CNTN5: variants seen among roughly 807,000 people sequenced by gnomAD.
CNTN5 encodes the protein contactin 5.
Under a neutral mutation model 129.1 loss-of-function variants are expected in CNTN5, and 77 were observed. That is an observed-to-expected ratio of 0.60 (90% CI 0.50 to 0.72). The LOEUF is 0.72. Ranked by LOEUF, CNTN5 falls within the 30% of genes least tolerant of loss-of-function variation. The pLI, the probability that CNTN5 is intolerant of heterozygous loss-of-function variation, is 0.00. For missense variants in CNTN5, 1,478 were observed against 1,328.8 expected, an observed-to-expected ratio of 1.11 and a Z score of -1.75; for synonymous variants, 509 against 465.6, an observed-to-expected ratio of 1.09 and a Z score of -1.20.
chr11:99,717,126 A>G (rs908450866), intron 3 of CNTN5, among the ~76,000 whole-genome samples: 1 of 152,074 alleles, frequency 6.6e-6, no homozygotes, highest in East Asian at 1.9e-4. Context: ...TTTATTTGCT[A>G]TTTTCAGATG....
At position 99,792,201 on chromosome 11, in the gene CNTN5, T is replaced by C. The variant is rs1278538623; in HGVS notation, c.56-27343T>C. 5.3e-5 allele frequency among the ~76,000 whole-genome samples: 8 copies of C among 152,236 alleles called. 2 individuals carry two copies. Among genetic ancestry groups the C allele is most frequent in the Admixed American group, 5.2e-4 (8 of 15,290 alleles). ...CAGTTCTCAAGGGGCATGCTTTCAA[T>C]GTTTGCCTATTCAGTATGATGTTGA... On this transcript the variant is annotated intron_variant, in intron 3 of 24. Transcript: ENST00000524871.
At chr11:99,082,416 C>T (rs905743931) in intron 1 of CNTN5, among the ~76,000 whole-genome samples, 1 of 152,120 alleles carries the variant, frequency 6.6e-6, no homozygotes, top group South Asian at 2.1e-4. Flanking sequence ...ATCTCTTGAC[C>T]TCGTGATCCG....
At chr11:99,859,969 CA>C (rs775449959) in intron 6 of CNTN5, among the ~76,000 whole-genome samples, 1 of 152,142 alleles carries the variant, frequency 6.6e-6, no homozygotes, top group Non-Finnish European at 1.5e-5. Flanking sequence ...CAACAGTGTA[CA>C]AGTTGTTTTC....
intron 8 of CNTN5, among the ~76,000 whole-genome samples, chr11:99,987,028 A>G (rs901913028): frequency 6.6e-6 from 1 of 152,228 alleles, no homozygotes; most frequent in African/African-American, 2.4e-5. Flanking sequence ...AACAAAATAT[A>G]GATTTTTTCA....
intron 2 of CNTN5, among the ~76,000 whole-genome samples, chr11:99,373,711 C>CAAAAAAAAAAAAAAAAAAAAAAAAA (rs57363059): frequency 1.0e-5 from 1 of 96,000 alleles, no homozygotes. Context: ...AACTCCGTCT[C>CAAAAAAAAAAAAAAAAAAAAAAAAA]AAAAAAAAAA....
intron 3 of CNTN5, among the ~76,000 whole-genome samples, chr11:99,779,750 A>G (rs577005916): frequency 6.6e-6 from 1 of 152,160 alleles, no homozygotes; most frequent in Admixed American, 6.6e-5. Context: ...TTACTGCTCA[A>G]AGGAAGTTCT....
intron 7 of CNTN5, among the ~76,000 whole-genome samples, chr11:99,934,730 C>T (rs1377867645): frequency 2.0e-5 from 3 of 151,502 alleles, no homozygotes; most frequent in Non-Finnish European, 4.4e-5. Flanking sequence ...ACTAAAAATA[C>T]AAAAATTAGC....
intron 4 of CNTN5, among the ~76,000 whole-genome samples, chr11:99,838,377 C>G (rs1008314525): frequency 1.3e-5 from 2 of 152,072 alleles, no homozygotes; most frequent in African/African-American, 4.8e-5. Flanking sequence ...AATGATACTT[C>G]TATCTCTTAT....
chr11:99,830,043 G>GTTA (rs1227961208), intron 4 of CNTN5, among the ~76,000 whole-genome samples: 1 of 152,044 alleles, frequency 6.6e-6, no homozygotes, highest in Non-Finnish European at 1.5e-5. Flanking sequence ...TGATGAGATG[G>GTTA]TTAGGTTAAG....
intron 10 of CNTN5, among the ~76,000 whole-genome samples, chr11:100,063,085 A>C (rs12286439): frequency 0.075 from 11,481 of 152,162 alleles, 525 homozygotes; most frequent in East Asian, 0.19. Context: ...GAAAGTACGA[A>C]TTCTCTGTGT....
rs1939151251 is a variant in CNTN5 at position 99,362,121 on chromosome 11, A to G, written c.-71+36637A>G. Among the ~76,000 whole-genome samples the G allele has an allele frequency of 2.6e-5, 4 of 152,038 alleles. No individual in the cohort carries two copies. In the South Asian group the frequency reaches 8.3e-4, roughly 31 times the overall value. The stretch of plus-strand genomic sequence containing the variant: ...CACAAGTGTTCTAATTTCTATTCCT[A>G]ATAACACATGTTATATTCTATTTTA... On this transcript the variant is annotated intron_variant, in intron 2 of 24. Coordinates refer to ENST00000524871, the MANE Select transcript of CNTN5 (RefSeq NM_014361.4).
At chr11:99,122,183 A>C (rs1858375170) in intron 1 of CNTN5, among the ~76,000 whole-genome samples, 1 of 151,834 alleles carries the variant, frequency 6.6e-6, no homozygotes, top group Non-Finnish European at 1.5e-5. Flanking sequence ...CTATAGATCT[A>C]ATTTATTTTC....
intron 1 of CNTN5, among the ~76,000 whole-genome samples, chr11:99,101,209 C>T (rs1005517584): frequency 6.6e-6 from 1 of 152,160 alleles, no homozygotes; most frequent in African/African-American, 2.4e-5. Context: ...AAACCACCCC[C>T]ATGATTCAGT....
intron 13 of CNTN5, among the ~76,000 whole-genome samples, chr11:100,089,717 A>G (rs1266788294): frequency 1.3e-5 from 2 of 152,188 alleles, no homozygotes; most frequent in African/African-American, 4.8e-5. Context: ...ATGAAGCCAT[A>G]GAAAGGGACA....
intron 18 of CNTN5, among the ~76,000 whole-genome samples, chr11:100,279,409 G>T (rs149385325): frequency 0.023 from 3,449 of 151,848 alleles, 46 homozygotes; most frequent in Non-Finnish European, 0.034. Flanking sequence ...TAAATGTTTG[G>T]CAGAATTCAG....
intron 2 of CNTN5, among the ~76,000 whole-genome samples, chr11:99,553,230 A>G (rs1325840460): frequency 6.6e-6 from 1 of 152,168 alleles, no homozygotes; most frequent in Non-Finnish European, 1.5e-5. Context: ...AGTAGTTTCC[A>G]AATTCCTGTT....
chr11:100,289,970 A>G (rs568878507), intron 18 of CNTN5, among the ~76,000 whole-genome samples: 2,091 of 151,482 alleles, frequency 0.014, 39 homozygotes, highest in African/African-American at 0.049. Flanking sequence ...CCAACAACAG[A>G]CAGAGAGCCA....
intron 9 of CNTN5, among the ~76,000 whole-genome samples, chr11:100,060,958 T>G (rs1943447618): frequency 1.0e-5 from 1 of 97,924 alleles, no homozygotes. Flanking sequence ...TTTTTAAAAA[T>G]AAATCATAAT....
chr11:100,154,289 T>C (rs1451516245), intron 13 of CNTN5, among the ~76,000 whole-genome samples: 1 of 152,116 alleles, frequency 6.6e-6, no homozygotes, highest in African/African-American at 2.4e-5. Context: ...CTCATCCTTT[T>C]TTATGGCTGC....
Sources: gnomAD v4.1 joint callset for allele counts (sites outside exome capture counted in the v4.1 genomes callset) on GRCh38, gnomAD v4.1.1 for gene constraint, MANE v1.5 for transcripts, NCBI Gene and HGNC (gene_info 2026-07-23, HGNC 2026-07-21) for gene names.